Variants in TTBK2 observed in about 807,000 individuals in gnomAD.
The protein encoded by TTBK2 is tau-tubulin kinase 2.
Under a neutral mutation model 110.8 loss-of-function variants are expected in TTBK2, and 28 were observed. The observed-to-expected ratio is 0.25, with a 90% CI of 0.19 to 0.35. The LOEUF (loss-of-function observed/expected upper bound fraction) is 0.35. Among genes scored for constraint, TTBK2 ranks in the 10% least tolerant of loss-of-function variants. The pLI, the probability that TTBK2 is intolerant of heterozygous loss-of-function variation, is 1.00. For missense variants in TTBK2, 1,369 were observed against 1,500.3 expected, an observed-to-expected ratio of 0.91 and a Z score of 1.45; for synonymous variants, 532 against 527.3, an observed-to-expected ratio of 1.01 and a Z score of -0.12.
At chr15:42,789,649 C>T (rs1890559702) in intron 10 of TTBK2, among the ~76,000 whole-genome samples, 1 of 151,876 alleles carries the variant, frequency 6.6e-6, no homozygotes. Context: ...CAGGAGAATC[C>T]CTTGAATCCA....
chr15:42,873,756 G>T lies in TTBK2; in HGVS notation c.70-998C>A, dbSNP rs1207670101. 3.3e-5 allele frequency among the ~76,000 whole-genome samples: 5 copies of T among 152,084 alleles called. 1 individual carries two copies. In the South Asian group the frequency reaches 1.0e-3, roughly 32 times the overall value. On this transcript the variant is annotated intron_variant, in intron 2 of 14. Coordinates refer to ENST00000267890, the MANE Select transcript of TTBK2 (RefSeq NM_173500.4). ...TGTAGTGTCTGAAAGCTGGGTTGTG[G>T]GGGTAGATACTTCAAGCTAGATACA...
chr15:42,913,414 C>T (rs868103855), intron 1 of TTBK2, among the ~76,000 whole-genome samples: 8 of 151,928 alleles, frequency 5.3e-5, no homozygotes, highest in South Asian at 2.1e-4. Flanking sequence ...CCGAGGCGGG[C>T]GGATCACGGG....
rs1396381748 is a variant in TTBK2, at chr15:42,752,917, T to C, written c.2329A>G (p.Thr777Ala). The C allele has an allele frequency of 6.2e-7, 1 of 1,614,106 alleles. No individual in the cohort carries two copies. Among genetic ancestry groups the C allele is most frequent in the Non-Finnish European group, 8.5e-7 (1 of 1,180,044 alleles). The change falls in exon 14 of 15, where the codon ACT becomes GCT. Residue 777 changes from threonine to alanine, a missense_variant. Physicochemically the swap from Thr to Ala is moderately conservative, Grantham distance 58 (BLOSUM62 0). Coordinates refer to ENST00000267890, the MANE Select transcript of TTBK2 (RefSeq NM_173500.4). ...TCTAAAAGGATGCTTTTCTCTTCAG[T>C]TTCCCCAGGGAGATTTTCAAATTCT... The part of the protein sequence containing the change: ...VREFENLPGE[T>A]EEKSILLESD...
At position 42,766,446 on chromosome 15, in the gene TTBK2, C is replaced by CAAAAAAAAAAAA. The variant is rs567972612; in HGVS notation, c.1998+8677_1998+8688dup. ...GAAGATCTACCAAGCGAATGGAAAG[C>CAAAAAAAAAAAA]AAAAAAAAAAAAAAAAAAAAAGCAA... On this transcript the variant is annotated intron_variant, in intron 13 of 14. Coordinates refer to ENST00000267890, the MANE Select transcript of TTBK2 (RefSeq NM_173500.4). Among the ~76,000 whole-genome samples, 47 of 30,848 alleles carry CAAAAAAAAAAAA rather than the reference C, an allele frequency of 1.5e-3. 9 individuals are homozygous for CAAAAAAAAAAAA. The highest frequency in any genetic ancestry group is 0.013 in the African/African-American group (39 of 3,080). The allele number at this position is 30,848 out of a possible 152,430, so 20.2% of individuals were successfully genotyped here.
chr15:42,856,988 G>C (rs1451606839), intron 3 of TTBK2, among the ~76,000 whole-genome samples: 1 of 151,908 alleles, frequency 6.6e-6, no homozygotes, highest in Non-Finnish European at 1.5e-5. Flanking sequence ...TTGAACCTTG[G>C]AGGCAGAGGT....
intron 4 of TTBK2, among the ~76,000 whole-genome samples, chr15:42,837,428 T>C (rs1387443895): frequency 6.9e-6 from 1 of 145,408 alleles, no homozygotes. Context: ...GAGGCCGAGG[T>C]AGGTGGATCA....
intron 3 of TTBK2, among the ~76,000 whole-genome samples, chr15:42,845,751 G>A (rs116048870): frequency 0.016 from 2,459 of 151,092 alleles, 65 homozygotes; most frequent in African/African-American, 0.056. Flanking sequence ...GCTGAGAAAT[G>A]CATCCTTGGG....
At chr15:42,766,445 G>GAAAAAAAAAA (rs1424460257) in intron 13 of TTBK2, among the ~76,000 whole-genome samples, 2 of 15,152 alleles carry the variant, frequency 1.3e-4, no homozygotes, top group Non-Finnish European at 2.0e-4. Context: ...CGAATGGAAA[G>GAAAAAAAAAA]CAAAAAAAAA....
chr15:42,802,254 A>G, intron 9 of TTBK2: 1 of 813,372 alleles, frequency 1.2e-6, no homozygotes, highest in Non-Finnish European at 2.2e-6. Flanking sequence ...CATATCCTGC[A>G]CCCAGGCCAC....
chr15:42,813,249 C>T (rs67266935), intron 7 of TTBK2, among the ~76,000 whole-genome samples: 2,241 of 152,256 alleles, frequency 0.015, 38 homozygotes, highest in Non-Finnish European at 0.021. Context: ...TGGCTAGGCA[C>T]GGTTGCTCAT....
intron 13 of TTBK2, among the ~76,000 whole-genome samples, chr15:42,760,855 A>G (rs1370964039): frequency 2.0e-5 from 3 of 152,202 alleles, no homozygotes; most frequent in Admixed American, 6.5e-5. Context: ...GACCCCAAAT[A>G]TCTAAAGCAA....
intron 13 of TTBK2, among the ~76,000 whole-genome samples, chr15:42,767,520 G>T (rs1352876322): frequency 6.6e-6 from 1 of 152,124 alleles, no homozygotes; most frequent in Non-Finnish European, 1.5e-5. Flanking sequence ...AGAAGAAATG[G>T]ATAAATTCCA....
intron 4 of TTBK2, among the ~76,000 whole-genome samples, chr15:42,834,196 A>AGGGGGG (rs144301772): frequency 8.0e-6 from 1 of 124,284 alleles, no homozygotes; most frequent in African/African-American, 3.4e-5. Context: ...AAAAAAAAAA[A>AGGGGGG]GGGGGGGGGT....
intron 9 of TTBK2, among the ~76,000 whole-genome samples, chr15:42,804,943 T>C (rs1268230685): frequency 6.6e-6 from 1 of 152,182 alleles, no homozygotes; most frequent in Non-Finnish European, 1.5e-5. Context: ...ACCCTCACCA[T>C]AAAGCATGAC....
intron 1 of TTBK2, among the ~76,000 whole-genome samples, chr15:42,907,302 A>G (rs1215131746): frequency 6.6e-6 from 1 of 152,200 alleles, no homozygotes; most frequent in Non-Finnish European, 1.5e-5. Flanking sequence ...TAGAACTTCC[A>G]TATTATCCAG....
intron 3 of TTBK2, 112 bp from the exon 4 acceptor site, chr15:42,840,545 G>C: frequency 1.0e-6 from 1 of 960,492 alleles, no homozygotes; most frequent in South Asian, 1.3e-5. Flanking sequence ...TACATCTTGA[G>C]AACCTTAAGG....
In TTBK2 at chr15:42,858,278, T is replaced by C. The variant is rs1441190246; in HGVS notation, c.217+14333A>G. On this transcript the variant is annotated intron_variant, in intron 3 of 14. Transcript: ENST00000267890. ...CTATAAAACAAAGTATATTTATCTA[T>C]AAAGAATATTTTCATTACAAAAACA... Among the ~76,000 whole-genome samples the C allele has an allele frequency of 8.5e-5, 13 of 152,094 alleles. No homozygotes were observed. The East Asian group carries it at 2.5e-3, about 29-fold the overall frequency.
chr15:42,747,437 G>C (rs1360078830), intron 14 of TTBK2, among the ~76,000 whole-genome samples: 1 of 152,170 alleles, frequency 6.6e-6, no homozygotes. Flanking sequence ...GAGCAGTTTC[G>C]TGGAAGACAA....
At chr15:42,804,954 T>A (rs1470387509) in intron 9 of TTBK2, among the ~76,000 whole-genome samples, 1 of 152,226 alleles carries the variant, frequency 6.6e-6, no homozygotes, top group African/African-American at 2.4e-5. Context: ...AAAGCATGAC[T>A]AAGCCAAAGG....
Sources: allele counts gnomAD v4.1 joint callset (sites outside exome capture counted in the v4.1 genomes callset), GRCh38; gene constraint gnomAD v4.1.1; transcripts MANE v1.5; gene names NCBI Gene and HGNC (gene_info 2026-07-23, HGNC 2026-07-21).